Variants in MAP3K21 observed in about 807,000 individuals in gnomAD.
MAP3K21 encodes the protein mitogen-activated protein kinase kinase kinase 21, also known as mitogen-activated protein kinase kinase kinase MLK4.
Under a neutral mutation model 86.1 loss-of-function variants are expected in MAP3K21, and 63 were observed. The ratio of observed to expected loss-of-function variants is 0.73; its 90% CI spans 0.60 to 0.90. The LOEUF is 0.90. Among genes scored for constraint, MAP3K21 ranks in the 40% least tolerant of loss-of-function variants. MAP3K21 has a pLI of 0.00. For synonymous variants in MAP3K21, 558 were observed against 564.8 expected (o/e 0.99, Z 0.17); for missense variants, 1,220 against 1,367.7 (o/e 0.89, Z 1.70).
chr1:233,368,479 C>G (rs771511244), intron 5 of MAP3K21, among the ~76,000 whole-genome samples: 1 of 151,982 alleles, frequency 6.6e-6, no homozygotes, highest in Non-Finnish European at 1.5e-5. Context: ...CATGGTGAAA[C>G]CCCATTTCTA....
At chr1:233,350,475 C>T (rs903868224) in intron 2 of MAP3K21, among the ~76,000 whole-genome samples, 3 of 152,114 alleles carry the variant, frequency 2.0e-5, no homozygotes, top group East Asian at 1.9e-4. Flanking sequence ...GATACCATTG[C>T]TGTAAAGTCT....
chr1:233,376,465 C>T lies in MAP3K21; in HGVS notation c.1862C>T (p.Ser621Leu), dbSNP rs1286028352. ...RPLSDGNSPW[S>L]TILIKNQKTM... ...CTCTCCGATGGCAACAGTCCTTGGT[C>T]AACTATCTTAATAAAAAATCAGAAA... Residue 621 changes from serine (S) to leucine (L), a missense_variant, in exon 8 of 10, where the codon TCA (serine) becomes TTA (leucine). Physicochemically the swap from Ser to Leu is moderately radical, Grantham distance 145. Transcript: ENST00000366624. The T allele has an allele frequency of 1.9e-6, 3 of 1,613,624 alleles. No homozygotes were observed. Among genetic ancestry groups the T allele is most frequent in the Non-Finnish European group, 2.5e-6 (3 of 1,179,732 alleles).
At chr1:233,375,634 T>A in intron 6 of MAP3K21, 1 of 419,664 alleles carries the variant, frequency 2.4e-6, no homozygotes, top group South Asian at 4.8e-5. Flanking sequence ...TCCTAATTGT[T>A]GCAAAATGCT....
intron 1 of MAP3K21, among the ~76,000 whole-genome samples, chr1:233,345,473 G>A (rs1294265): frequency 0.98 from 149,173 of 151,872 alleles, 73,282 homozygotes; most frequent in East Asian, 1. Flanking sequence ...TGAGCAAACT[G>A]TCACAAGGAC....
chr1:233,353,514 C>T (rs1663290323), intron 2 of MAP3K21, among the ~76,000 whole-genome samples: 1 of 152,028 alleles, frequency 6.6e-6, no homozygotes, highest in South Asian at 2.1e-4. Flanking sequence ...TGGTTCTGGA[C>T]CCTGTTTAAT....
At chr1:233,354,675 A>G (rs557882633) in intron 3 of MAP3K21, among the ~76,000 whole-genome samples, 161 bp from the exon 4 acceptor site, 8 of 152,360 alleles carry the variant, frequency 5.3e-5, no homozygotes, top group Admixed American at 3.9e-4. Flanking sequence ...TCAAACTATT[A>G]CCAATGGATT....
At chr1:233,377,462 G>A (rs1245551958) in intron 8 of MAP3K21, among the ~76,000 whole-genome samples, 1 of 152,160 alleles carries the variant, frequency 6.6e-6, no homozygotes, top group Non-Finnish European at 1.5e-5. Flanking sequence ...TCCTTCTGAA[G>A]GTTCTCCTTT....
At chr1:233,347,760 GA>G (rs1275642961) in intron 2 of MAP3K21, among the ~76,000 whole-genome samples, 2 of 152,122 alleles carry the variant, frequency 1.3e-5, no homozygotes, top group African/African-American at 4.8e-5. Context: ...GGAAAGGGCT[GA>G]AAAAGTAACT....
rs912055750 is a variant in MAP3K21 at position 233,371,897 on chromosome 1, C to T, written c.1553-141C>T. 12 of 789,660 alleles carry T rather than the reference C, an allele frequency of 1.5e-5. No homozygotes were observed. In the African/African-American group the frequency reaches 1.8e-4, roughly 12 times the overall value. 48.9% of individuals were successfully genotyped at this position (789,660 alleles called of 1,614,324 possible). ...GACCTGAACCCCGAGAAGTAAGAAA[C>T]CAAAATAAGAAATCGATCCTGCAAT... is the stretch of plus-strand genomic sequence containing the variant. On this transcript the variant is annotated intron_variant, in intron 5 of 9. Transcript: ENST00000366624.
rs1663957978 is a variant in MAP3K21 at position 233,383,467 on chromosome 1, T to C, written c.*756T>C. 6.6e-6 allele frequency: 1 copy of C among 152,078 alleles called. No individual in the cohort carries two copies. Among genetic ancestry groups the C allele is most frequent in the African/African-American group, 2.4e-5 (1 of 41,344 alleles). 9.4% of individuals were successfully genotyped at this position (152,078 alleles called of 1,614,324 possible). On this transcript the variant is annotated 3_prime_UTR_variant, in exon 10 of 10. Coordinates refer to ENST00000366624, the MANE Select transcript of MAP3K21 (RefSeq NM_032435.3). ...TGTTCAAAGTTCAGTCCTTGCCATT[T>C]GACTGAGACCACATGGTGTGCCCCT...
chr1:233,335,973 A>T (rs1558449686), intron 1 of MAP3K21, among the ~76,000 whole-genome samples: 1 of 152,160 alleles, frequency 6.6e-6, no homozygotes, highest in Non-Finnish European at 1.5e-5. Flanking sequence ...TCACCATCTT[A>T]GGGAACCCCA....
At chr1:233,339,851 C>G (rs1473768503) in intron 1 of MAP3K21, among the ~76,000 whole-genome samples, 1 of 123,096 alleles carries the variant, frequency 8.1e-6, no homozygotes, top group Non-Finnish European at 1.7e-5. Flanking sequence ...AATCGATTTT[C>G]TGTAATTAGC....
chr1:233,367,658 G>A (rs1192233864), intron 5 of MAP3K21, among the ~76,000 whole-genome samples: 2 of 151,952 alleles, frequency 1.3e-5, no homozygotes, highest in African/African-American at 4.8e-5. Flanking sequence ...TCAGGAATTC[G>A]AGACCAGCCT....
At chr1:233,369,023 T>G (rs116423833) in intron 5 of MAP3K21, among the ~76,000 whole-genome samples, 170 of 152,166 alleles carry the variant, frequency 1.1e-3, no homozygotes, top group African/African-American at 3.9e-3. Context: ...TTACCTTATA[T>G]TGAGGGAGGG....
At chr1:233,352,442 CTT>C (rs994792934) in intron 2 of MAP3K21, among the ~76,000 whole-genome samples, 3 of 144,132 alleles carry the variant, frequency 2.1e-5, no homozygotes, top group African/African-American at 2.5e-5. Context: ...AATTTTGTGT[CTT>C]TTTTTTTTTT....
intron 1 of MAP3K21, among the ~76,000 whole-genome samples, chr1:233,341,447 C>T (rs952749777): frequency 2.6e-5 from 4 of 152,120 alleles, no homozygotes; most frequent in African/African-American, 9.7e-5. Context: ...TTTCATGGTA[C>T]CCTAAAGGGT....
At chr1:233,380,702 T>C (rs1663897098) in intron 9 of MAP3K21, among the ~76,000 whole-genome samples, 1 of 152,232 alleles carries the variant, frequency 6.6e-6, no homozygotes, top group Admixed American at 6.5e-5. Flanking sequence ...CACAGCACTT[T>C]ATAGATGTTA....
intron 8 of MAP3K21, among the ~76,000 whole-genome samples, chr1:233,377,401 C>T (rs943666155): frequency 1.3e-5 from 2 of 152,318 alleles, no homozygotes; most frequent in Admixed American, 1.3e-4. Context: ...GTTATTGGTA[C>T]TGTGCTCAAT....
At chr1:233,363,998 A>G (rs1663518305) in intron 5 of MAP3K21, among the ~76,000 whole-genome samples, 1 of 152,148 alleles carries the variant, frequency 6.6e-6, no homozygotes, top group Non-Finnish European at 1.5e-5. Context: ...TGGGCAACAG[A>G]ATGAGACTCT....
Sources: gnomAD v4.1 joint callset for allele counts (sites outside exome capture counted in the v4.1 genomes callset) on GRCh38, gnomAD v4.1.1 for gene constraint, MANE v1.5 for transcripts, NCBI Gene and HGNC (gene_info 2026-07-23, HGNC 2026-07-21) for gene names.